TAGLN: variants seen among roughly 807,000 people sequenced by gnomAD.
TAGLN encodes the protein 22 kDa actin-binding protein.
In TAGLN, 16 loss-of-function variants were observed where a neutral mutation model predicts 21.9. The observed-to-expected ratio is 0.73, with a 90% CI of 0.49 to 1.11. TAGLN has a LOEUF of 1.11. TAGLN is among the 50% of genes least tolerant of loss of function. TAGLN has a pLI of 0.00. For missense variants in TAGLN, 248 were observed against 263.2 expected, an observed-to-expected ratio of 0.94 and a Z score of 0.40; for synonymous variants, 96 against 94.9, an observed-to-expected ratio of 1.01 and a Z score of -0.06.
rs112576509 is a variant in TAGLN at position 117,203,886 on chromosome 11, T to C, written c.461+2T>C. 3.7e-6 allele frequency: 6 copies of C among 1,612,756 alleles called. No homozygotes were observed. Among genetic ancestry groups the C allele is most frequent in the Non-Finnish European group, 3.4e-6 (4 of 1,179,116 alleles). On this transcript the variant is annotated splice_donor_variant, in intron 4 of 4. Transcript: ENST00000392951. LOFTEE classifies it high-confidence loss of function. This position sits in a 1 kb window ranked among gnomAD's most constrained non-coding sequence, Gnocchi z 4.4. Reference sequence around the variant, plus strand: ...TGGAGATCCCAACTGGTTTATGAAGTATGTGGCCCCCAGGGAGCTTGGGTC... The same window carrying C: ...TGGAGATCCCAACTGGTTTATGAAGCATGTGGCCCCCAGGGAGCTTGGGTC...
rs762229288 is a variant in TAGLN at position 117,206,397 on chromosome 11, G to A, written c.*2038G>A. ...GCACCTACGTGAGGCACTGTTTCCC[G>A]AAGCCTACAGCCTTTCTCAGCCCAG... On this transcript the variant is annotated 3_prime_UTR_variant, in exon 5 of 5. Coordinates refer to ENST00000392951, the MANE Select transcript of TAGLN (RefSeq NM_003186.5). The A allele has an allele frequency of 1.8e-5, 28 of 1,576,636 alleles. No individual in the cohort carries two copies. Among genetic ancestry groups the A allele is most frequent in the Middle Eastern group, 1.8e-4 (1 of 5,540 alleles).
Position 117,203,142 on chromosome 11 carries a change from C to A in TAGLN, c.129C>A (p.Gly43=). 1.2e-6 allele frequency: 2 copies of A among 1,601,038 alleles called. No homozygotes were observed. Among genetic ancestry groups the A allele is most frequent in the African/African-American group, 1.3e-5 (1 of 74,694 alleles). The change falls in exon 2 of 5, where the codon GGC becomes GGA. Residue 43 remains glycine, a synonymous_variant. Coordinates refer to ENST00000392951, the MANE Select transcript of TAGLN (RefSeq NM_003186.5). This position sits in a 1 kb window ranked among gnomAD's most constrained non-coding sequence, Gnocchi z 4.4. ...TAGTGCAGTGTGGCCCTGATGTGGGCCGCCCAGACCGTGGGCGCTTGGGCT... is the reference window on the plus strand; with the variant it reads ...TAGTGCAGTGTGGCCCTGATGTGGGACGCCCAGACCGTGGGCGCTTGGGCT... The part of the protein sequence containing the change: ...WIIVQCGPDV[G]RPDRGRLGFQ...
rs762322260 is a variant in TAGLN, at chr11:117,203,009, C to T, written c.-5C>T. On this transcript the variant is annotated 5_prime_UTR_variant, in exon 2 of 5. Coordinates refer to ENST00000392951, the MANE Select transcript of TAGLN (RefSeq NM_003186.5). This position sits in a 1 kb window ranked among gnomAD's most constrained non-coding sequence, Gnocchi z 4.4. ...CACCCTGGCCTGCTTTAGCTTTCCC[C>T]AGACATGGCCAACAAGGGTCCTTCC... The T allele has an allele frequency of 1.3e-6, 2 of 1,551,896 alleles. No individual in the cohort carries two copies. The highest frequency in any genetic ancestry group is 2.3e-5 in the East Asian group (1 of 44,338).
rs537382685 is a variant in TAGLN at position 117,206,180 on chromosome 11, A to G, written c.*1821A>G. On this transcript the variant is annotated 3_prime_UTR_variant, in exon 5 of 5. Coordinates refer to ENST00000392951, the MANE Select transcript of TAGLN (RefSeq NM_003186.5). Reference sequence around the variant, plus strand: ...CTTCGTCTGGATCCTTGCTGCTGCAAAGTGGCACTGATTCTAGCTCTGTCC... The same window carrying G: ...CTTCGTCTGGATCCTTGCTGCTGCAGAGTGGCACTGATTCTAGCTCTGTCC... 9.9e-6 allele frequency: 16 copies of G among 1,613,880 alleles called. No homozygotes were observed. The South Asian group carries it at 1.1e-4, about 11-fold the overall frequency.
In TAGLN at chr11:117,206,406, A is replaced by T; in HGVS notation, c.*2047A>T. Reference sequence around the variant, plus strand: ...TGAGGCACTGTTTCCCGAAGCCTACAGCCTTTCTCAGCCCAGGACAATGAG... The same window carrying T: ...TGAGGCACTGTTTCCCGAAGCCTACTGCCTTTCTCAGCCCAGGACAATGAG... On this transcript the variant is annotated 3_prime_UTR_variant, in exon 5 of 5. Transcript: ENST00000392951. 17 of 1,568,906 alleles carry T rather than the reference A, an allele frequency of 1.1e-5. No individual in the cohort carries two copies. The highest frequency in any genetic ancestry group is 1.5e-5 in the Non-Finnish European group (17 of 1,157,020).
chr11:117,205,410 G>A lies in TAGLN; in HGVS notation c.*1051G>A. On this transcript the variant is annotated 3_prime_UTR_variant, in exon 5 of 5. Coordinates refer to ENST00000392951, the MANE Select transcript of TAGLN (RefSeq NM_003186.5). ...TCCCTAGTGAAGCAGCTCAGGCCTG[G>A]GGGAGCCGTGTGTATCCCAGCTGTG... 1 of 233,734 alleles carries A rather than the reference G, an allele frequency of 4.3e-6. No individual in the cohort carries two copies. 14.5% of individuals were successfully genotyped at this position (233,734 alleles called of 1,614,324 possible). A position where few individuals can be genotyped will look rare whatever the true frequency, so the allele number is the denominator to read the frequency against.
chr11:117,201,623 A>T (rs747203147), intron 1 of TAGLN: 3 of 152,214 alleles, frequency 2.0e-5, no homozygotes, highest in African/African-American at 7.2e-5. Flanking sequence ...CAGATGAGGA[A>T]CTCCAGCCCA....
At chr11:117,200,379 T>A (rs777439086) in intron 1 of TAGLN, 11 of 152,442 alleles carry the variant, frequency 7.2e-5, no homozygotes, top group Admixed American at 3.3e-4. Context: ...CCCTGGACTT[T>A]CTTTCTCCAC....
Position 117,203,802 on chromosome 11 carries a change from C to G in TAGLN, c.379C>G (p.Gln127Glu). ...CACAGGCAAAGACATGGCAGCAGTGCAGAGGACCCTGATGGCTTTGGGCAG... is the reference window on the plus strand; with the variant it reads ...CACAGGCAAAGACATGGCAGCAGTGGAGAGGACCCTGATGGCTTTGGGCAG... ...LFEGKDMAAVQRTLMALGSLA... is the reference protein window; with the variant it reads ...LFEGKDMAAVERTLMALGSLA... Residue 127 changes from glutamine (Q) to glutamate (E), a missense_variant, in exon 4 of 5, where the codon CAG becomes GAG. Physicochemically the swap from Gln to Glu is conservative, Grantham distance 29 (BLOSUM62 2). Transcript: ENST00000392951. This position sits in a 1 kb window ranked among gnomAD's most constrained non-coding sequence, Gnocchi z 4.4. The G allele has an allele frequency of 6.2e-7, 1 of 1,613,890 alleles. No individual in the cohort carries two copies. Among genetic ancestry groups the G allele is most frequent in the South Asian group, 1.1e-5 (1 of 91,070 alleles).
rs1027589210 is a variant in TAGLN, at chr11:117,204,873, G to A, written c.*514G>A. 21 of 228,516 alleles carry A rather than the reference G, an allele frequency of 9.2e-5. No individual in the cohort carries two copies. The highest frequency in any genetic ancestry group is 3.2e-4 in the African/African-American group (14 of 44,434). The allele number at this position is 228,516 out of a possible 1,614,324, so 14.2% of individuals were successfully genotyped here. A position where few individuals can be genotyped will look rare whatever the true frequency, so the allele number is the denominator to read the frequency against. On this transcript the variant is annotated 3_prime_UTR_variant, in exon 5 of 5. Coordinates refer to ENST00000392951, the MANE Select transcript of TAGLN (RefSeq NM_003186.5). The stretch of plus-strand genomic sequence containing the variant: ...TGCGCAGGGGACAGGCAGGCATCTC[G>A]GGCTTGTATGTGTTCCTGGCTGCCG...
chr11:117,202,950 G>A, intron 1 of TAGLN, 52 bp from the exon 2 acceptor site: 2 of 1,493,714 alleles, frequency 1.3e-6, no homozygotes, highest in South Asian at 2.7e-5. Context: ...GGTGAAAGCA[G>A]AGCTGCTCCC....
rs1267331914 is a variant in TAGLN, at chr11:117,203,060, C to A, written c.47C>A (p.Ser16Tyr). The A allele has an allele frequency of 1.2e-6, 2 of 1,607,716 alleles. No homozygotes were observed. The highest frequency in any genetic ancestry group is 3.4e-5 in the Admixed American group (2 of 59,286). ...TATGGCATGAGCCGCGAAGTGCAGT[C>A]CAAAATCGAGAAGAAGTATGACGAG... ...PSYGMSREVQ[S>Y]KIEKKYDEEL... Residue 16 changes from serine to tyrosine, a missense_variant, in exon 2 of 5, where the codon TCC becomes TAC. By Grantham distance (144) the Ser-to-Tyr change is moderately radical (BLOSUM62 -2). Transcript: ENST00000392951. This position sits in a 1 kb window ranked among gnomAD's most constrained non-coding sequence, Gnocchi z 4.4.
At position 117,204,231 on chromosome 11, in the gene TAGLN, AAG is replaced by A; in HGVS notation, c.481_482del (p.Arg161GlyfsTer63). ...NWFMKKAQEHKREFTESQLQE... is the reference protein window; with the variant it reads ...NWFMKKAQEHXREFTESQLQE... ...CTCTTCTAGGAAAGCGCAGGAGCAT[AAG>A]AGGGAATTCACAGAGAGCCAGCTGC... On this transcript the variant is annotated frameshift_variant, in exon 5 of 5. Transcript: ENST00000392951. LOFTEE classifies it high-confidence loss of function. 2 of 1,614,228 alleles carry A rather than the reference AAG, an allele frequency of 1.2e-6. No individual in the cohort carries two copies. The highest frequency in any genetic ancestry group is 1.1e-5 in the South Asian group (1 of 91,080).
chr11:117,202,938 C>T (rs1237477166), intron 1 of TAGLN, 64 bp from the exon 2 acceptor site: 22 of 1,445,198 alleles, frequency 1.5e-5, no homozygotes, highest in South Asian at 1.2e-4. Flanking sequence ...CTGCCTGGCA[C>T]GGGTGAAAGC....
rs1371265839 is a variant in TAGLN, at chr11:117,203,261, C to A, written c.181-46C>A. 1.2e-6 allele frequency: 2 copies of A among 1,608,260 alleles called. No individual in the cohort carries two copies. The highest frequency in any genetic ancestry group is 4.5e-5 in the East Asian group (2 of 44,698). On this transcript the variant is annotated intron_variant, in intron 2 of 4. Coordinates refer to ENST00000392951, the MANE Select transcript of TAGLN (RefSeq NM_003186.5). This position sits in a 1 kb window ranked among gnomAD's most constrained non-coding sequence, Gnocchi z 4.4. The stretch of plus-strand genomic sequence containing the variant: ...GCCACCCTGTGAGTCCTGGGCCAAT[C>A]CCTGAGCTGACTGCTAAGCTGCGTC...
intron 4 of TAGLN, 163 bp from the exon 5 acceptor site, chr11:117,204,052 C>A: frequency 8.7e-7 from 1 of 1,146,974 alleles, no homozygotes; most frequent in Non-Finnish European, 1.2e-6. Context: ...CCCTTTCCAC[C>A]CTCCTGCGCT....
At position 117,203,406 on chromosome 11, in the gene TAGLN, G is replaced by A. The variant is rs747231223; in HGVS notation, c.280G>A (p.Val94Met). The A allele has an allele frequency of 6.2e-7, 1 of 1,614,232 alleles. No individual in the cohort carries two copies. Among genetic ancestry groups the A allele is most frequent in the Non-Finnish European group, 8.5e-7 (1 of 1,180,038 alleles). Residue 94 changes from valine to methionine, a missense_variant, in exon 3 of 5, where the codon GTG becomes ATG. Physicochemically the swap from Val to Met is conservative, Grantham distance 21. Transcript: ENST00000392951. This position sits in a 1 kb window ranked among gnomAD's most constrained non-coding sequence, Gnocchi z 4.4. ...PSMVFKQMEQ[V>M]AQFLKAAEDY... is the part of the protein sequence containing the mutation. ...CATGGTCTTCAAGCAGATGGAGCAG[G>A]TGGCTCAGTTCCTGAAGGCGGCTGA...
Position 117,203,500 on chromosome 11 carries a change from C to T in TAGLN, c.358+16C>T. ...CTCTTTGAAGGTAGAGAGGAAGAGGCTGGGGGAGGAGGTGGGCAGGAGGAC... is the reference window on the plus strand; with the variant it reads ...CTCTTTGAAGGTAGAGAGGAAGAGGTTGGGGGAGGAGGTGGGCAGGAGGAC... On this transcript the variant is annotated intron_variant, in intron 3 of 4. Transcript: ENST00000392951. This position sits in a 1 kb window ranked among gnomAD's most constrained non-coding sequence, Gnocchi z 4.4. The T allele has an allele frequency of 4.3e-6, 7 of 1,610,842 alleles. No individual in the cohort carries two copies. Among genetic ancestry groups the T allele is most frequent in the Non-Finnish European group, 3.4e-6 (4 of 1,177,408 alleles).
chr11:117,202,339 G>A (rs896997761), intron 1 of TAGLN: 1 of 152,266 alleles, frequency 6.6e-6, no homozygotes, highest in South Asian at 2.1e-4. Flanking sequence ...AGTCTCTTCA[G>A]CTGCAGACCA....
Sources: allele counts gnomAD v4.1 joint callset, GRCh38; gene constraint gnomAD v4.1.1; non-coding constraint Gnocchi (gnomAD v3.1); transcripts MANE v1.5; gene names NCBI Gene and HGNC (gene_info 2026-07-23, HGNC 2026-07-21).